The following NFYA variants were observed in gnomAD, a reference collection of about 807,000 sequenced individuals.
NFYA encodes the protein nuclear transcription factor Y subunit alpha.
A neutral mutation model predicts 52.8 loss-of-function variants in NFYA; 28 were observed. The ratio of observed to expected loss-of-function variants is 0.53; its 90% CI spans 0.39 to 0.73. NFYA has a LOEUF of 0.73. Ranked by LOEUF, NFYA falls within the 30% of genes least tolerant of loss-of-function variation. The pLI is 0.00. For missense variants in NFYA, 234 were observed against 427.0 expected, an observed-to-expected ratio of 0.55 and a Z score of 3.98; for synonymous variants, 150 against 150.7, an observed-to-expected ratio of 1.00 and a Z score of 0.03.
chr6:41,097,430 G>A lies in NFYA; in HGVS notation c.*20G>A, dbSNP rs779677191. 5 of 1,612,506 alleles carry A rather than the reference G, an allele frequency of 3.1e-6. No individual in the cohort carries two copies. Among genetic ancestry groups the A allele is most frequent in the South Asian group, 1.1e-5 (1 of 90,972 alleles). ...TCCTAACCCCACGCCATGTGATGGA[G>A]CTGATCAAGGTCATGTTTCTCACTG... On this transcript the variant is annotated 3_prime_UTR_variant, in exon 10 of 10. Transcript: ENST00000341376.
chr6:41,073,508 C>T (rs1157962994), intron 1 of NFYA, among the ~76,000 whole-genome samples: 3 of 152,044 alleles, frequency 2.0e-5, no homozygotes, highest in Non-Finnish European at 4.4e-5. Context: ...TTAAACCTGC[C>T]CTTGCACTCT....
intron 4 of NFYA, among the ~76,000 whole-genome samples, chr6:41,085,728 C>T (rs1764027370): frequency 6.7e-6 from 1 of 150,292 alleles, no homozygotes; most frequent in Admixed American, 6.6e-5. Flanking sequence ...CATAATTGTA[C>T]CATGCATGTG....
intron 1 of NFYA, among the ~76,000 whole-genome samples, chr6:41,076,663 T>G (rs1763740418): frequency 6.6e-6 from 1 of 152,222 alleles, no homozygotes; most frequent in African/African-American, 2.4e-5. Flanking sequence ...AATAAACACT[T>G]ATTATTTGTT....
At chr6:41,094,890 T>C (rs1157537181) in intron 9 of NFYA, among the ~76,000 whole-genome samples, 1 of 152,236 alleles carries the variant, frequency 6.6e-6, no homozygotes, top group Non-Finnish European at 1.5e-5. Flanking sequence ...TTCTTGAAAA[T>C]CACACTTTTC....
intron 3 of NFYA, 54 bp from the exon 4 acceptor site, chr6:41,083,992 A>G: frequency 6.6e-7 from 1 of 1,504,174 alleles, no homozygotes; most frequent in Non-Finnish European, 8.9e-7. Context: ...TCTTTTGGTA[A>G]AAACCATTTT....
intron 4 of NFYA, among the ~76,000 whole-genome samples, chr6:41,086,585 G>A (rs1017508852): frequency 6.6e-6 from 1 of 151,750 alleles, no homozygotes; most frequent in African/African-American, 2.4e-5. Context: ...AACCTTTTTT[G>A]AATTGTATTC....
At chr6:41,077,134 G>GA (rs144990984) in intron 1 of NFYA, among the ~76,000 whole-genome samples, 120 of 152,226 alleles carry the variant, frequency 7.9e-4, no homozygotes, top group African/African-American at 2.8e-3. Flanking sequence ...ATTAGTCAAG[G>GA]AAAAAATCTC....
At chr6:41,077,473 T>G (rs1241453390) in intron 1 of NFYA, among the ~76,000 whole-genome samples, 1 of 152,230 alleles carries the variant, frequency 6.6e-6, no homozygotes, top group Non-Finnish European at 1.5e-5. Context: ...TTTGGAGATT[T>G]TATATAAATG....
At chr6:41,073,789 C>T (rs754628703) in intron 1 of NFYA, among the ~76,000 whole-genome samples, 2 of 152,164 alleles carry the variant, frequency 1.3e-5, no homozygotes, top group African/African-American at 4.8e-5. Context: ...CGCCGCGCCC[C>T]TCCTCCCAGC....
At chr6:41,090,756 G>A (rs937229540) in intron 6 of NFYA, among the ~76,000 whole-genome samples, 20 of 152,152 alleles carry the variant, frequency 1.3e-4, no homozygotes, top group African/African-American at 4.1e-4. Context: ...TAAGAAAGAC[G>A]TGAACAAATA....
intron 4 of NFYA, among the ~76,000 whole-genome samples, chr6:41,088,481 C>G (rs1764109299): frequency 6.6e-6 from 1 of 151,272 alleles, no homozygotes; most frequent in Non-Finnish European, 1.5e-5. Context: ...GGAATCCTGA[C>G]ACAGCTGTGT....
In NFYA at chr6:41,089,680, C is replaced by T. The variant is rs1034215813; in HGVS notation, c.411C>T (p.Pro137=). ...GQTQQIIIQQ[P]QTAVTAGQTQ... The stretch of plus-strand genomic sequence containing the variant: ...CCCAGCAGATCATCATCCAGCAGCC[C>T]CAGACGGCTGTCACTGCTGGCCAGA... The change falls in exon 5 of 10, where the codon CCC becomes CCT. Residue 137 remains proline (P), a synonymous_variant. Transcript: ENST00000341376. 10 of 1,612,594 alleles carry T rather than the reference C, an allele frequency of 6.2e-6. No homozygotes were observed. Among genetic ancestry groups the T allele is most frequent in the Non-Finnish European group, 7.6e-6 (9 of 1,179,988 alleles).
In NFYA at chr6:41,093,369, G is replaced by A. The variant is rs572916588; in HGVS notation, c.888+284G>A. Among the ~76,000 whole-genome samples the A allele has an allele frequency of 8.7e-4, 132 of 152,236 alleles. 3 individuals are homozygous for A. In the South Asian group the frequency reaches 0.027, roughly 31 times the overall value. ...GGTAGCACATTTTCACAGTTCTCAA[G>A]ACCTGTTTCACTGCTTTAATATTGC... On this transcript the variant is annotated intron_variant, in intron 8 of 9. Coordinates refer to ENST00000341376, the MANE Select transcript of NFYA (RefSeq NM_002505.5).
intron 3 of NFYA, among the ~76,000 whole-genome samples, chr6:41,082,541 A>G (rs140574056): frequency 3.7e-3 from 557 of 152,354 alleles, no homozygotes; most frequent in Admixed American, 7.6e-3. Context: ...AATTAAGATG[A>G]TGAATAGATA....
At chr6:41,073,210 C>G (rs1419505988) in intron 1 of NFYA, 126 bp downstream of exon 1, 1 of 151,872 alleles carries the variant, frequency 6.6e-6, no homozygotes, top group African/African-American at 2.4e-5. Context: ...CTGAGCCTAG[C>G]CGAGCCGGGC....
chr6:41,097,383 A>G lies in NFYA; in HGVS notation c.1017A>G (p.Ala339=), dbSNP rs1764390847. The change falls in exon 10 of 10, where the codon GCA becomes GCG. Residue 339 remains alanine, a synonymous_variant. Coordinates refer to ENST00000341376, the MANE Select transcript of NFYA (RefSeq NM_002505.5). ...ATCCAAACCAAGCCGATGAAGAAGCAATGACACAGATCATCCGAGTGTCCT... is the reference window on the plus strand; with the variant it reads ...ATCCAAACCAAGCCGATGAAGAAGCGATGACACAGATCATCCGAGTGTCCT... The part of the protein sequence containing the change: ...MQDPNQADEE[A]MTQIIRVS 1.2e-6 allele frequency: 2 copies of G among 1,614,042 alleles called. No individual in the cohort carries two copies. The highest frequency in any genetic ancestry group is 1.1e-5 in the South Asian group (1 of 91,068).
intron 8 of NFYA, among the ~76,000 whole-genome samples, chr6:41,093,491 G>T (rs1764252059): frequency 6.7e-6 from 1 of 149,532 alleles, no homozygotes; most frequent in South Asian, 2.1e-4. Flanking sequence ...TTTTTCCTGA[G>T]ACTCAGTCTT....
chr6:41,093,276 A>C (rs959095368), intron 8 of NFYA, among the ~76,000 whole-genome samples, 191 bp downstream of exon 8: 3 of 152,244 alleles, frequency 2.0e-5, no homozygotes, highest in African/African-American at 7.2e-5. Flanking sequence ...GAAAACAAAC[A>C]GTGGCTTAAA....
At chr6:41,089,493 T>G (rs1764140180) in intron 4 of NFYA, 86 bp from the exon 5 acceptor site, 1 of 1,382,116 alleles carries the variant, frequency 7.2e-7, no homozygotes. Flanking sequence ...ATTTTCTGCT[T>G]TCTAGAGAAA....
Sources: allele counts gnomAD v4.1 joint callset (sites outside exome capture counted in the v4.1 genomes callset), GRCh38; gene constraint gnomAD v4.1.1; transcripts MANE v1.5; gene names NCBI Gene and HGNC (gene_info 2026-07-23, HGNC 2026-07-21).